The following ARAP2 variants were observed in gnomAD, a reference collection of about 807,000 sequenced individuals.
ARAP2 encodes the protein arf-GAP with Rho-GAP domain, ANK repeat and PH domain-containing protein 2.
In ARAP2, 148 loss-of-function variants were observed where a neutral mutation model predicts 194.5. The ratio of observed to expected loss-of-function variants is 0.76; its 90% CI spans 0.67 to 0.87. The LOEUF is 0.87. Ranked by LOEUF, ARAP2 falls within the 40% of genes least tolerant of loss-of-function variation. ARAP2 has a pLI of 0.00. For synonymous variants in ARAP2, 695 were observed against 683.5 expected, an observed-to-expected ratio of 1.02 and a Z score of -0.26; for missense variants, 2,128 against 1,989.7, an observed-to-expected ratio of 1.07 and a Z score of -1.32.
intron 31 of ARAP2, among the ~76,000 whole-genome samples, chr4:36,075,670 T>C (rs569438527): frequency 2.0e-5 from 3 of 152,292 alleles, no homozygotes; most frequent in African/African-American, 7.2e-5. Context: ...CACTTCCTTG[T>C]AAATATCTTC....
intron 29 of ARAP2, among the ~76,000 whole-genome samples, chr4:36,082,838 A>C (rs1486084632): frequency 6.6e-6 from 1 of 152,146 alleles, no homozygotes; most frequent in Non-Finnish European, 1.5e-5. Context: ...ATGAAGTGTT[A>C]AAGAGGCACG....
chr4:36,215,875 A>G (rs778260319), intron 2 of ARAP2, among the ~76,000 whole-genome samples: 2 of 151,986 alleles, frequency 1.3e-5, no homozygotes, highest in African/African-American at 4.8e-5. Flanking sequence ...AACAAAGCAC[A>G]CACACAAGAA....
At chr4:36,042,927 C>G (rs926161997) in intron 5 of ARAP2, among the ~76,000 whole-genome samples, 110 of 151,982 alleles carry the variant, frequency 7.2e-4, no homozygotes, top group Middle Eastern at 3.4e-3. Flanking sequence ...ATTGCAACCT[C>G]TGCCTCCCAG....
intron 5 of ARAP2, among the ~76,000 whole-genome samples, chr4:36,043,114 A>T (rs1177937410): frequency 2.0e-5 from 3 of 152,132 alleles, no homozygotes; most frequent in Admixed American, 1.3e-4. Context: ...AAGTGCTGGG[A>T]TTACAGGTGT....
At chr4:36,109,786 A>C (rs1405738968) in intron 26 of ARAP2, among the ~76,000 whole-genome samples, 1 of 151,848 alleles carries the variant, frequency 6.6e-6, no homozygotes, top group African/African-American at 2.4e-5. Flanking sequence ...ATATGTATAC[A>C]TGTGCCATGT....
In ARAP2 at chr4:36,193,590, G is replaced by A. The variant is rs757574021; in HGVS notation, c.1545C>T (p.Tyr515=). ...AAAATGTATTTACCTTCTCATTATTGTAGTAAGAAATGCTAAGGCCATCAA... is the reference window on the plus strand; with the variant it reads ...AAAATGTATTTACCTTCTCATTATTATAGTAAGAAATGCTAAGGCCATCAA... ...VKFDGLSISY[Y]NNEKEMYSKG... Residue 515 remains tyrosine, a synonymous_variant, in exon 7 of 33, where the codon TAC becomes TAT. Transcript: ENST00000303965. 4.4e-6 allele frequency: 7 copies of A among 1,589,034 alleles called. No individual in the cohort carries two copies. Among genetic ancestry groups the A allele is most frequent in the South Asian group, 1.2e-5 (1 of 84,976 alleles).
chr4:36,129,735 C>A (rs1478208866), intron 20 of ARAP2, among the ~76,000 whole-genome samples: 2 of 151,804 alleles, frequency 1.3e-5, no homozygotes, highest in Admixed American at 1.3e-4. Flanking sequence ...GGGTGAGAAC[C>A]CATCCAACCT....
chr4:36,096,063 T>C (rs1417171096), intron 27 of ARAP2, among the ~76,000 whole-genome samples: 4 of 151,632 alleles, frequency 2.6e-5, no homozygotes, highest in Non-Finnish European at 5.9e-5. Context: ...ATAAAAACTT[T>C]AGAAAAAAAA....
intron 26 of ARAP2, among the ~76,000 whole-genome samples, chr4:36,111,526 ATTTC>A (rs766465545): frequency 3.3e-5 from 5 of 151,992 alleles, no homozygotes; most frequent in African/African-American, 9.7e-5. Flanking sequence ...TACATGACAC[ATTTC>A]TTTGTTTATA....
chr4:36,114,124 T>C (rs1201192111), intron 26 of ARAP2, 46 bp downstream of exon 26: 17 of 1,290,732 alleles, frequency 1.3e-5, no homozygotes, highest in Non-Finnish European at 1.9e-5. Context: ...AGAGTACTTT[T>C]TACAGTATAA....
At chr4:36,027,667 T>C (rs1411291501) in intron 5 of ARAP2, among the ~76,000 whole-genome samples, 1 of 152,134 alleles carries the variant, frequency 6.6e-6, no homozygotes, top group African/African-American at 2.4e-5. Context: ...ATTTGCCTGG[T>C]ATTGTGACAT....
intron 31 of ARAP2, among the ~76,000 whole-genome samples, chr4:36,075,092 AAG>A (rs1727954842): frequency 6.6e-6 from 1 of 152,150 alleles, no homozygotes. Context: ...TGGTTAAAAA[AAG>A]CATATTATAT....
At chr4:36,171,690 A>T (rs1736680036) in intron 9 of ARAP2, among the ~76,000 whole-genome samples, 1 of 152,150 alleles carries the variant, frequency 6.6e-6, no homozygotes, top group Non-Finnish European at 1.5e-5. Context: ...AAAAATGTTT[A>T]AAAGAATGCC....
At chr4:36,135,938 T>C (rs1726601070) in intron 19 of ARAP2, among the ~76,000 whole-genome samples, 1 of 151,804 alleles carries the variant, frequency 6.6e-6, no homozygotes, top group African/African-American at 2.4e-5. Context: ...AACTGTGACA[T>C]TTTTGAACTT....
chr4:36,010,389 G>T (rs889512859), intron 9 of ARAP2, among the ~76,000 whole-genome samples: 1 of 152,036 alleles, frequency 6.6e-6, no homozygotes, highest in Non-Finnish European at 1.5e-5. Flanking sequence ...CTATGAATTA[G>T]CATGCTTTCC....
intron 5 of ARAP2, among the ~76,000 whole-genome samples, chr4:36,030,797 G>GTTTTTTTT (rs34777330): frequency 6.2e-5 from 1 of 16,082 alleles, no homozygotes. Context: ...CATTGTCTAC[G>GTTTTTTTT]TTTTTTTTTT....
rs750254576 is a variant in ARAP2, at chr4:36,091,864, A to G, written c.4425+17T>C. The G allele has an allele frequency of 6.4e-7, 1 of 1,560,120 alleles. No individual in the cohort carries two copies. Among genetic ancestry groups the G allele is most frequent in the Non-Finnish European group, 8.7e-7 (1 of 1,145,806 alleles). On this transcript the variant is annotated intron_variant, in intron 28 of 32. Coordinates refer to ENST00000303965, the MANE Select transcript of ARAP2 (RefSeq NM_015230.4). ...TACCCACACAAATAAAAATGTACGC[A>G]TGTTCAAATACTATACCTTCACATC... is the stretch of plus-strand genomic sequence containing the variant.
At chr4:36,107,160 A>T (rs1342275216) in intron 27 of ARAP2, among the ~76,000 whole-genome samples, 1 of 151,972 alleles carries the variant, frequency 6.6e-6, no homozygotes, top group Non-Finnish European at 1.5e-5. Context: ...AAAATGTGAG[A>T]TATATAGCAA....
chr4:36,092,139 G>C, intron 27 of ARAP2, 119 bp from the exon 28 acceptor site: 1 of 1,182,774 alleles, frequency 8.5e-7, no homozygotes, highest in Non-Finnish European at 1.2e-6. Flanking sequence ...TACCGCTAAA[G>C]TCTAAGGTGA....
Sources: gnomAD v4.1 joint callset for allele counts (sites outside exome capture counted in the v4.1 genomes callset) on GRCh38, gnomAD v4.1.1 for gene constraint, MANE v1.5 for transcripts, NCBI Gene and HGNC (gene_info 2026-07-23, HGNC 2026-07-21) for gene names.